The following ZBTB8A variants were observed in gnomAD, a reference collection of about 807,000 sequenced individuals.
ZBTB8A encodes zinc finger and BTB domain containing 8A.
A neutral mutation model predicts 37.8 loss-of-function variants in ZBTB8A; 19 were observed. The observed-to-expected ratio is 0.50, with a 90% CI of 0.35 to 0.74. The LOEUF is 0.74. Among genes scored for constraint, ZBTB8A ranks in the 30% least tolerant of loss-of-function variants. The pLI is 0.01. For synonymous variants in ZBTB8A, 181 were observed against 185.2 expected, an observed-to-expected ratio of 0.98 and a Z score of 0.19; for missense variants, 394 against 537.8, an observed-to-expected ratio of 0.73 and a Z score of 2.65.
At chr1:32,564,404 G>GA (rs1302140223) in intron 2 of ZBTB8A, among the ~76,000 whole-genome samples, 1 of 151,906 alleles carries the variant, frequency 6.6e-6, no homozygotes, top group African/African-American at 2.4e-5. Flanking sequence ...ATTTCACATT[G>GA]AAAAAAAGTC....
chr1:32,545,209 A>G (rs942397608), intron 1 of ZBTB8A, among the ~76,000 whole-genome samples: 3 of 152,196 alleles, frequency 2.0e-5, no homozygotes, highest in Admixed American at 6.5e-5. Context: ...CTGGAAAAAC[A>G]TGGAAAAAAA....
At chr1:32,588,540 C>T (rs184829143) in intron 2 of ZBTB8A, among the ~76,000 whole-genome samples, 43 of 151,522 alleles carry the variant, frequency 2.8e-4, no homozygotes, top group African/African-American at 7.8e-4. Flanking sequence ...AAGGAGTAGC[C>T]GGTGAGGTAG....
chr1:32,585,944 G>A (rs531173425), intron 2 of ZBTB8A, among the ~76,000 whole-genome samples: 13 of 151,810 alleles, frequency 8.6e-5, no homozygotes, highest in African/African-American at 2.7e-4. Context: ...TGGAGGTTGC[G>A]GTGAGCCAAG....
At chr1:32,559,013 G>A (rs932343613) in intron 2 of ZBTB8A, among the ~76,000 whole-genome samples, 36 of 152,136 alleles carry the variant, frequency 2.4e-4, no homozygotes, top group Admixed American at 2.2e-3. Flanking sequence ...CAGCAGAGCC[G>A]GGGTTTAGAT....
At chr1:32,540,872 A>T (rs1278238476) in intron 1 of ZBTB8A, among the ~76,000 whole-genome samples, 3 of 152,146 alleles carry the variant, frequency 2.0e-5, no homozygotes, top group Non-Finnish European at 4.4e-5. Context: ...AGGGCCCTTG[A>T]TCAAATGGGT....
At chr1:32,581,548 C>T (rs574067769) in intron 2 of ZBTB8A, among the ~76,000 whole-genome samples, 3 of 151,318 alleles carry the variant, frequency 2.0e-5, no homozygotes, top group South Asian at 4.2e-4. Flanking sequence ...GATGGGGTTT[C>T]GCCACGTTGG....
At chr1:32,539,648 G>T (rs1301400665) in intron 1 of ZBTB8A, 76 bp downstream of exon 1, 1 of 146,426 alleles carries the variant, frequency 6.8e-6, no homozygotes, top group Non-Finnish European at 1.5e-5. Flanking sequence ...GAGCCTGGCC[G>T]CGGGCTCTGA....
intron 2 of ZBTB8A, among the ~76,000 whole-genome samples, chr1:32,563,254 C>G (rs1394932163): frequency 6.6e-6 from 1 of 152,050 alleles, no homozygotes; most frequent in Non-Finnish European, 1.5e-5. Context: ...GAAGCAAGAC[C>G]AGGCACGATG....
At chr1:32,550,584 A>G (rs1644144088) in intron 1 of ZBTB8A, among the ~76,000 whole-genome samples, 1 of 152,182 alleles carries the variant, frequency 6.6e-6, no homozygotes, top group South Asian at 2.1e-4. Context: ...AGATCGTGCC[A>G]CTGTACTCCA....
chr1:32,598,223 A>ATTTTTTT (rs762801492), intron 4 of ZBTB8A, among the ~76,000 whole-genome samples: 2 of 86,022 alleles, frequency 2.3e-5, no homozygotes, highest in Non-Finnish European at 4.5e-5. Context: ...GCTTTCTTGG[A>ATTTTTTT]TTTTTTTTTT....
At chr1:32,575,867 G>A (rs768423715) in intron 2 of ZBTB8A, among the ~76,000 whole-genome samples, 6 of 151,912 alleles carry the variant, frequency 3.9e-5, no homozygotes, top group African/African-American at 9.7e-5. Context: ...ACAAACAAAC[G>A]AAAAGAATAT....
chr1:32,578,440 T>C (rs1309475674), intron 2 of ZBTB8A, among the ~76,000 whole-genome samples: 1 of 152,062 alleles, frequency 6.6e-6, no homozygotes, highest in African/African-American at 2.4e-5. Flanking sequence ...CTCCATCTCC[T>C]GACCTCAAGT....
chr1:32,587,856 C>G (rs1376517351), intron 2 of ZBTB8A, among the ~76,000 whole-genome samples: 2 of 152,022 alleles, frequency 1.3e-5, no homozygotes, highest in African/African-American at 2.4e-5. Context: ...AGCCCACCCC[C>G]CAGCCTCTGG....
intron 2 of ZBTB8A, among the ~76,000 whole-genome samples, chr1:32,554,698 C>T (rs1480885322): frequency 1.3e-5 from 2 of 151,876 alleles, no homozygotes; most frequent in African/African-American, 2.4e-5. Context: ...AGGCTGGTCT[C>T]GAACTCCTGA....
rs144605833 is a variant in ZBTB8A at position 32,555,245 on chromosome 1, C to T, written c.-2+1705C>T. ...TCTACTAGAAATAGAAAAAATTAGC[C>T]GGGCGTGGTGGCAGGCGCCTGTAGT... On this transcript the variant is annotated intron_variant, in intron 2 of 4. Coordinates refer to ENST00000373510, the MANE Select transcript of ZBTB8A (RefSeq NM_001040441.3). 9.2e-3 allele frequency among the ~76,000 whole-genome samples: 1,392 copies of T among 152,068 alleles called. 22 individuals are homozygous for T. The highest frequency in any genetic ancestry group is 0.031 in the African/African-American group (1,282 of 41,486).
At chr1:32,541,428 C>A (rs887654222) in intron 1 of ZBTB8A, among the ~76,000 whole-genome samples, 3 of 152,218 alleles carry the variant, frequency 2.0e-5, no homozygotes, top group Non-Finnish European at 4.4e-5. Flanking sequence ...ACATGACTCT[C>A]TTACTTCCTT....
chr1:32,576,274 A>C (rs1286459315), intron 2 of ZBTB8A, among the ~76,000 whole-genome samples: 1 of 152,174 alleles, frequency 6.6e-6, no homozygotes, highest in Non-Finnish European at 1.5e-5. Flanking sequence ...TTTAAGTAAA[A>C]GTTTGTCAAC....
rs1310428745 is a variant in ZBTB8A at position 32,593,162 on chromosome 1, A to G, written c.231A>G (p.Thr77=). ...TFQAFSPDTF[T]VILDFVYSGK... is the part of the protein sequence containing the mutation. Reference sequence around the variant, plus strand: ...AGGCTTTCTCCCCTGACACTTTTACAGTTATCTTGGACTTCGTATATTCTG... The same window carrying G: ...AGGCTTTCTCCCCTGACACTTTTACGGTTATCTTGGACTTCGTATATTCTG... Residue 77 remains threonine, a synonymous_variant, in exon 3 of 5, where the codon ACA becomes ACG. Coordinates refer to ENST00000373510, the MANE Select transcript of ZBTB8A (RefSeq NM_001040441.3). The G allele has an allele frequency of 6.2e-7, 1 of 1,614,206 alleles. No individual in the cohort carries two copies.
At position 32,603,865 on chromosome 1, in the gene ZBTB8A, G is replaced by C. The variant is rs1263979942; in HGVS notation, c.*3446G>C. Reference sequence around the variant, plus strand: ...GTTGTATCATTTTAACATCATAGAAGAACATTTAAGACATGTTTGTAAGTT... The same window carrying C: ...GTTGTATCATTTTAACATCATAGAACAACATTTAAGACATGTTTGTAAGTT... On this transcript the variant is annotated 3_prime_UTR_variant, in exon 5 of 5. Coordinates refer to ENST00000373510, the MANE Select transcript of ZBTB8A (RefSeq NM_001040441.3). 1 of 152,446 alleles carries C rather than the reference G, an allele frequency of 6.6e-6. No individual in the cohort carries two copies. The highest frequency in any genetic ancestry group is 1.5e-5 in the Non-Finnish European group (1 of 68,024). 9.4% of individuals were successfully genotyped at this position (152,446 alleles called of 1,614,324 possible).
Sources: gnomAD v4.1 joint callset for allele counts (sites outside exome capture counted in the v4.1 genomes callset) on GRCh38, gnomAD v4.1.1 for gene constraint, MANE v1.5 for transcripts, NCBI Gene and HGNC (gene_info 2026-07-23, HGNC 2026-07-21) for gene names.